The following SGCZ variants were observed in gnomAD, a reference collection of about 807,000 sequenced individuals.
The protein encoded by SGCZ is sarcoglycan zeta, also known as zeta-sarcoglycan.
A neutral mutation model predicts 41.3 loss-of-function variants in SGCZ; 40 were observed. That is an observed-to-expected ratio of 0.97 (90% CI 0.75 to 1.26). The LOEUF (loss-of-function observed/expected upper bound fraction) is 1.26, where lower values mean the gene tolerates loss of function less well. SGCZ is among the 50% of genes most tolerant of loss of function. The pLI, the probability that SGCZ is intolerant of heterozygous loss-of-function variation, is 0.00. For missense variants in SGCZ, 552 were observed against 369.8 expected (o/e 1.49, Z -4.04); for synonymous variants, 206 against 137.5 (o/e 1.50, Z -3.49).
In SGCZ at chr8:14,363,006, T is replaced by C. The variant is rs546421122; in HGVS notation, c.235-38802A>G. The stretch of plus-strand genomic sequence containing the variant: ...GATTTTTTTCAACAAATTTCTTACG[T>C]TGCTCAATATGTGGATGACAATTTT... On this transcript the variant is annotated intron_variant, in intron 2 of 7. Coordinates refer to ENST00000382080, the MANE Select transcript of SGCZ (RefSeq NM_139167.4). Among the ~76,000 whole-genome samples the C allele has an allele frequency of 1.5e-3, 224 of 152,320 alleles. 1 individual carries two copies. Among genetic ancestry groups the C allele is most frequent in the African/African-American group, 5.1e-3 (210 of 41,576 alleles).
chr8:14,522,707 T>C lies in SGCZ; in HGVS notation c.234+32025A>G, dbSNP rs574468020. Among the ~76,000 whole-genome samples, 435 of 151,908 alleles carry C rather than the reference T, an allele frequency of 2.9e-3. 2 individuals carry two copies. The highest frequency in any genetic ancestry group is 9.8e-3 in the African/African-American group (407 of 41,518). On this transcript the variant is annotated intron_variant, in intron 2 of 7. Coordinates refer to ENST00000382080, the MANE Select transcript of SGCZ (RefSeq NM_139167.4). ...ATTTGTTTTTTCTTATTTTTTTCCA[T>C]TTTCAATTTCATTCATTTTAACCAT...
Position 14,698,911 on chromosome 8 carries a change from A to G in SGCZ, c.40-143985T>C, listed in dbSNP as rs573729911. On this transcript the variant is annotated intron_variant, in intron 1 of 7. Transcript: ENST00000382080. The stretch of plus-strand genomic sequence containing the variant: ...AGATCAAATATCTGGGTAATCGTGA[A>G]AACTTTGAAAGAGTGGATTCTCACC... 2.0e-5 allele frequency among the ~76,000 whole-genome samples: 3 copies of G among 152,084 alleles called. No homozygotes were observed. The South Asian group carries it at 6.2e-4, about 31-fold the overall frequency.
At chr8:14,106,087 C>G (rs182025535) in intron 6 of SGCZ, among the ~76,000 whole-genome samples, 2 of 152,290 alleles carry the variant, frequency 1.3e-5, no homozygotes, top group East Asian at 1.9e-4. Context: ...ATATCCCATT[C>G]ATTTAGTTAA....
intron 1 of SGCZ, among the ~76,000 whole-genome samples, chr8:14,784,913 A>AAAAAAAATATAT (rs1408574493): frequency 2.3e-5 from 2 of 88,034 alleles, no homozygotes; most frequent in African/African-American, 9.4e-5. Flanking sequence ...AAAAAAAAAA[A>AAAAAAAATATAT]ATATATATAT....
Position 14,729,157 on chromosome 8 carries a change from C to T in SGCZ, c.40-174231G>A, listed in dbSNP as rs530338871. Among the ~76,000 whole-genome samples, 6 of 152,210 alleles carry T rather than the reference C, an allele frequency of 3.9e-5. No homozygotes were observed. In the South Asian group the frequency reaches 1.0e-3, roughly 26 times the overall value. On this transcript the variant is annotated intron_variant, in intron 1 of 7. Transcript: ENST00000382080. ...TAATATGTCGAGCTGCTTGAATACC[C>T]ACACCACTAAAGTCACACCTTTCTT...
chr8:14,327,373 T>C (rs1802159021), intron 2 of SGCZ, among the ~76,000 whole-genome samples: 1 of 152,226 alleles, frequency 6.6e-6, no homozygotes, highest in Non-Finnish European at 1.5e-5. Flanking sequence ...TTTGTATAAA[T>C]GGAATTTTCT....
chr8:14,505,773 T>C (rs1320002772), intron 2 of SGCZ, among the ~76,000 whole-genome samples: 1 of 152,116 alleles, frequency 6.6e-6, no homozygotes, highest in Non-Finnish European at 1.5e-5. Context: ...ACTATATATA[T>C]TTCCTAGTGT....
At chr8:15,096,692 T>C (rs769555148) in intron 1 of SGCZ, among the ~76,000 whole-genome samples, 17 of 152,136 alleles carry the variant, frequency 1.1e-4, no homozygotes, top group Admixed American at 2.6e-4. Flanking sequence ...TATTTTATTT[T>C]ATTTTATTTT....
At chr8:14,973,209 T>A (rs1801356403) in intron 1 of SGCZ, among the ~76,000 whole-genome samples, 2 of 152,192 alleles carry the variant, frequency 1.3e-5, no homozygotes, top group South Asian at 2.1e-4. Context: ...CTGGAATATC[T>A]TTCTCAAAAA....
intron 1 of SGCZ, among the ~76,000 whole-genome samples, chr8:14,720,384 T>C (rs1343381654): frequency 1.3e-5 from 2 of 152,064 alleles, no homozygotes; most frequent in African/African-American, 2.4e-5. Flanking sequence ...GATATAACAA[T>C]AAAGAGAATA....
intron 1 of SGCZ, among the ~76,000 whole-genome samples, chr8:14,806,903 C>A (rs1801551987): frequency 6.6e-6 from 1 of 150,816 alleles, no homozygotes; most frequent in Non-Finnish European, 1.5e-5. Context: ...GGGCTTCATC[C>A]CTGGGATGCA....
intron 1 of SGCZ, among the ~76,000 whole-genome samples, chr8:14,671,289 G>A (rs936636724): frequency 6.6e-6 from 1 of 152,082 alleles, no homozygotes; most frequent in Non-Finnish European, 1.5e-5. Context: ...CTCTGCTCTG[G>A]CATTTCATAA....
At chr8:14,427,163 C>T (rs1043106802) in intron 2 of SGCZ, among the ~76,000 whole-genome samples, 1 of 152,030 alleles carries the variant, frequency 6.6e-6, no homozygotes, top group Non-Finnish European at 1.5e-5. Flanking sequence ...AATGTGTACA[C>T]TAAATTCTCT....
intron 3 of SGCZ, among the ~76,000 whole-genome samples, chr8:14,307,156 T>A (rs984654645): frequency 1.3e-5 from 2 of 152,194 alleles, no homozygotes; most frequent in African/African-American, 2.4e-5. Context: ...AATAAAGTAA[T>A]GAATATCAGA....
intron 1 of SGCZ, among the ~76,000 whole-genome samples, chr8:14,595,408 C>CAGACAG (rs777452030): frequency 8.1e-6 from 1 of 123,640 alleles, no homozygotes; most frequent in Non-Finnish European, 1.7e-5. Context: ...CAAACACACA[C>CAGACAG]ACACACACAC....
rs899271373 is a variant in SGCZ, at chr8:14,429,790, GT to G, written c.235-105587del. Among the ~76,000 whole-genome samples, 146 of 147,462 alleles carry G rather than the reference GT, an allele frequency of 9.9e-4. 1 individual carries two copies. Among genetic ancestry groups the G allele is most frequent in the African/African-American group, 3.1e-3 (124 of 40,186 alleles). On this transcript the variant is annotated intron_variant, in intron 2 of 7. Coordinates refer to ENST00000382080, the MANE Select transcript of SGCZ (RefSeq NM_139167.4). ...TTGTAAACAAAGTTTTCTTGGACTT[GT>G]TTTTTTTTTAGTGGTAATTTATTTA...
intron 2 of SGCZ, among the ~76,000 whole-genome samples, chr8:14,514,576 C>CAT (rs1802556766): frequency 6.6e-6 from 1 of 150,516 alleles, no homozygotes; most frequent in Admixed American, 6.6e-5. Context: ...CCCTCTCATA[C>CAT]ATATATATTA....
intron 3 of SGCZ, among the ~76,000 whole-genome samples, chr8:14,281,430 T>C (rs1800433270): frequency 6.7e-6 from 1 of 150,048 alleles, no homozygotes; most frequent in South Asian, 2.2e-4. Flanking sequence ...GCAATATTTG[T>C]ATCCACTAAG....
intron 4 of SGCZ, among the ~76,000 whole-genome samples, chr8:14,184,918 C>T (rs1804854467): frequency 1.3e-5 from 2 of 152,150 alleles, no homozygotes; most frequent in South Asian, 4.1e-4. Flanking sequence ...CACCACAACA[C>T]TTATGATTGG....
Sources: allele counts gnomAD v4.1 joint callset (sites outside exome capture counted in the v4.1 genomes callset), GRCh38; gene constraint gnomAD v4.1.1; transcripts MANE v1.5; gene names NCBI Gene and HGNC (gene_info 2026-07-23, HGNC 2026-07-21).